HERC4: variants seen among roughly 807,000 people sequenced by gnomAD.
HERC4 encodes the protein probable E3 ubiquitin-protein ligase HERC4.
Under a neutral mutation model 124.3 loss-of-function variants are expected in HERC4, and 28 were observed. The observed-to-expected ratio is 0.23, with a 90% CI of 0.17 to 0.31. The LOEUF is 0.31. Ranked by LOEUF, HERC4 falls within the 10% of genes least tolerant of loss-of-function variation. The pLI is 1.00. For missense variants in HERC4, 713 were observed against 1,229.3 expected (o/e 0.58, Z 6.28); for synonymous variants, 407 against 421.5 (o/e 0.97, Z 0.42).
At chr10:67,986,232 A>G (rs1009925783) in intron 15 of HERC4, among the ~76,000 whole-genome samples, 3 of 152,242 alleles carry the variant, frequency 2.0e-5, no homozygotes, top group African/African-American at 7.2e-5. Context: ...AACTACTGCA[A>G]ACAAGAACCC....
intron 19 of HERC4, among the ~76,000 whole-genome samples, chr10:67,942,281 G>A (rs901190226): frequency 4.6e-5 from 7 of 152,242 alleles, no homozygotes; most frequent in African/African-American, 7.2e-5. Flanking sequence ...GATAATATAC[G>A]TTAAACACTT....
intron 8 of HERC4, among the ~76,000 whole-genome samples, chr10:68,019,702 A>G (rs1018259068): frequency 1.3e-5 from 2 of 152,220 alleles, no homozygotes; most frequent in African/African-American, 4.8e-5. Context: ...TTCGGATCTT[A>G]GCATGGTAGC....
chr10:68,019,379 G>A (rs1341699270), intron 8 of HERC4, among the ~76,000 whole-genome samples: 1 of 152,096 alleles, frequency 6.6e-6, no homozygotes, highest in Non-Finnish European at 1.5e-5. Context: ...TGTCTATATA[G>A]TGTTTAGTGG....
chr10:68,044,316 T>TA, intron 4 of HERC4, 88 bp downstream of exon 4: 2 of 1,306,782 alleles, frequency 1.5e-6, no homozygotes, highest in Non-Finnish European at 1.0e-6. Flanking sequence ...TGTCAACTCT[T>TA]ACAGGCCCAA....
intron 7 of HERC4, among the ~76,000 whole-genome samples, chr10:68,027,611 T>C (rs947075165): frequency 6.6e-6 from 1 of 152,226 alleles, no homozygotes; most frequent in African/African-American, 2.4e-5. Context: ...TATGTCTGCT[T>C]TGTTAGTGAA....
chr10:68,024,604 T>C (rs1373133486), intron 8 of HERC4, among the ~76,000 whole-genome samples: 1 of 152,038 alleles, frequency 6.6e-6, no homozygotes, highest in East Asian at 1.9e-4. Flanking sequence ...ATCATAAAAG[T>C]CTGATGTTAA....
intron 9 of HERC4, among the ~76,000 whole-genome samples, chr10:68,005,507 T>C (rs1019234113): frequency 2.6e-5 from 4 of 152,136 alleles, no homozygotes; most frequent in Admixed American, 6.6e-5. Context: ...TCAGTGTCTT[T>C]TGACTGGGCA....
chr10:68,027,016 A>G (rs1234951148), intron 7 of HERC4, among the ~76,000 whole-genome samples: 2 of 152,182 alleles, frequency 1.3e-5, no homozygotes, highest in African/African-American at 2.4e-5. Context: ...ACAAACAAAA[A>G]AACATATAAT....
intron 3 of HERC4, among the ~76,000 whole-genome samples, chr10:68,071,232 G>A (rs1198053933): frequency 2.0e-5 from 3 of 152,308 alleles, no homozygotes; most frequent in Non-Finnish European, 1.5e-5. Context: ...ATGTCAACAT[G>A]ACCACAAAGA....
At chr10:68,037,853 C>T (rs2039557533) in intron 5 of HERC4, among the ~76,000 whole-genome samples, 1 of 152,064 alleles carries the variant, frequency 6.6e-6, no homozygotes, top group South Asian at 2.1e-4. Flanking sequence ...TAAAGATTTT[C>T]CTTGAATTGA....
intron 9 of HERC4, chr10:68,010,944 A>G: frequency 1.8e-6 from 2 of 1,086,088 alleles, no homozygotes; most frequent in Non-Finnish European, 2.7e-6. Context: ...CTTTAGTTCT[A>G]GTTCTCTTGT....
At chr10:68,067,338 G>GT (rs2041349463) in intron 3 of HERC4, 1 of 152,426 alleles carries the variant, frequency 6.6e-6, no homozygotes, top group African/African-American at 2.4e-5. Flanking sequence ...AAAGTAAAGC[G>GT]TTCAAAGCAA....
At chr10:68,025,092 G>A (rs768873315) in intron 8 of HERC4, among the ~76,000 whole-genome samples, 47 of 152,090 alleles carry the variant, frequency 3.1e-4, no homozygotes, top group Non-Finnish European at 5.6e-4. Context: ...GCTGGGCATG[G>A]TAGTGCATGC....
intron 15 of HERC4, among the ~76,000 whole-genome samples, chr10:67,980,613 AAC>A (rs1054719148): frequency 4.6e-5 from 7 of 152,254 alleles, no homozygotes; most frequent in Non-Finnish European, 8.8e-5. Context: ...AGAATATTAC[AAC>A]ACTGTAATTA....
chr10:67,988,751 A>G lies in HERC4; in HGVS notation c.1718T>C (p.Leu573Pro), dbSNP rs2036398583. Residue 573 changes from leucine (L) to proline (P), a missense_variant, in exon 15 of 25, where the codon CTC becomes CCC. Physicochemically the swap from Leu to Pro is moderately conservative, Grantham distance 98. Coordinates refer to ENST00000373700, the MANE Select transcript of HERC4 (RefSeq NM_015601.4). ...AGAAGGGGGAATACCGATCTTGTAGAGTTTCAAAAGATGTACCACAACTTC... is the reference window on the plus strand; with the variant it reads ...AGAAGGGGGAATACCGATCTTGTAGGGTTTCAAAAGATGTACCACAACTTC... The part of the protein sequence containing the change: ...FKEVVVHLLK[L>P]YKIGIPPSER... 1 of 1,607,788 alleles carries G rather than the reference A, an allele frequency of 6.2e-7. No individual in the cohort carries two copies. Among genetic ancestry groups the G allele is most frequent in the African/African-American group, 1.3e-5 (1 of 74,668 alleles).
intron 23 of HERC4, among the ~76,000 whole-genome samples, chr10:67,932,128 T>C (rs1316443324): frequency 1.3e-5 from 2 of 151,970 alleles, no homozygotes; most frequent in Non-Finnish European, 2.9e-5. Flanking sequence ...CAGCTAATTT[T>C]TGTATTTTTA....
At chr10:67,991,287 A>C in intron 11 of HERC4, 88 bp from the exon 12 acceptor site, 1 of 715,648 alleles carries the variant, frequency 1.4e-6, no homozygotes, top group Non-Finnish European at 2.2e-6. Flanking sequence ...ATGAATAATT[A>C]ATCTAATGTT....
intron 15 of HERC4, among the ~76,000 whole-genome samples, chr10:67,983,870 G>C (rs1242069195): frequency 6.6e-6 from 1 of 151,936 alleles, no homozygotes; most frequent in African/African-American, 2.4e-5. Context: ...GGCTGAAGCA[G>C]CAGAATCGCT....
At chr10:68,021,096 A>G (rs191360016) in intron 8 of HERC4, among the ~76,000 whole-genome samples, 41 of 152,340 alleles carry the variant, frequency 2.7e-4, no homozygotes, top group Non-Finnish European at 5.6e-4. Context: ...CATAAGCCCC[A>G]ATGAATTCTA....
Sources: allele counts gnomAD v4.1 joint callset (sites outside exome capture counted in the v4.1 genomes callset), GRCh38; gene constraint gnomAD v4.1.1; transcripts MANE v1.5; gene names NCBI Gene and HGNC (gene_info 2026-07-23, HGNC 2026-07-21).